Variants in POLR2E observed in about 807,000 individuals in gnomAD.
The protein encoded by POLR2E is DNA-directed RNA polymerases I, II, and III subunit RPABC1.
In POLR2E, 35 loss-of-function variants were observed where a neutral mutation model predicts 29.8. The observed-to-expected ratio is 1.17, with a 90% CI of 0.90 to 1.55. POLR2E has a LOEUF of 1.55. Among genes scored for constraint, POLR2E ranks in the 40% most tolerant of loss-of-function variants. POLR2E has a pLI of 0.00. For missense variants in POLR2E, 287 were observed against 288.6 expected (o/e 0.99, Z 0.04); for synonymous variants, 174 against 112.6 (o/e 1.55, Z -3.45).
At chr19:1,090,028 G>A in intron 5 of POLR2E, 59 bp downstream of exon 5, 1 of 1,311,114 alleles carries the variant, frequency 7.6e-7, no homozygotes. Context: ...GTGTGGGGGG[G>A]GAACGCGGAA....
chr19:1,091,664 C>A, intron 3 of POLR2E, 128 bp downstream of exon 3: 1 of 665,962 alleles, frequency 1.5e-6, no homozygotes, highest in South Asian at 1.7e-5. Context: ...GACATCCCGG[C>A]CACATCCTCC....
chr19:1,091,885 C>A lies in POLR2E; in HGVS notation c.255G>T (p.Lys85Asn). The change falls in exon 3 of 8, where the codon AAG becomes AAT. Residue 85 changes from lysine to asparagine, a missense_variant. Physicochemically the swap from Lys to Asn is moderately conservative, Grantham distance 94. Transcript: ENST00000615234. ...FFPEEPKVGIKTIKVYCQRMQ... is the reference protein window; with the variant it reads ...FFPEEPKVGINTIKVYCQRMQ... ...TGCGCTGGCAGTACACCTTGATGGT[C>A]TTGATGCCCACCTTGGGCTCCTCTG... The A allele has an allele frequency of 6.2e-7, 1 of 1,612,474 alleles. No individual in the cohort carries two copies. Among genetic ancestry groups the A allele is most frequent in the Non-Finnish European group, 8.5e-7 (1 of 1,179,238 alleles).
At chr19:1,090,409 C>T (rs2043804260) in intron 4 of POLR2E, among the ~76,000 whole-genome samples, 1 of 151,690 alleles carries the variant, frequency 6.6e-6, no homozygotes, top group Non-Finnish European at 1.5e-5. Context: ...AGGGTCCCTC[C>T]ACACTCCCAG....
At chr19:1,091,503 C>G (rs974880207) in intron 3 of POLR2E, 3 of 469,364 alleles carry the variant, frequency 6.4e-6, no homozygotes, top group African/African-American at 6.0e-5. Flanking sequence ...CTCCTGGAAT[C>G]TGCACCAGGC....
intron 2 of POLR2E, 26 bp downstream of exon 2, chr19:1,093,878 G>C (rs748336341): frequency 7.8e-6 from 12 of 1,545,742 alleles, no homozygotes; most frequent in African/African-American, 4.1e-5. Flanking sequence ...GGCTTCACCG[G>C]AACTCCCCCG....
chr19:1,092,449 C>T (rs2043855338), intron 2 of POLR2E: 1 of 152,474 alleles, frequency 6.6e-6, no homozygotes, highest in Admixed American at 6.5e-5. Flanking sequence ...CACCTGTAAT[C>T]CCAGCACTTT....
chr19:1,087,945 C>T lies in POLR2E; in HGVS notation c.*790G>A, dbSNP rs1216671508. The stretch of plus-strand genomic sequence containing the variant: ...TGTAAGAGGAACTGGCCGCAAACCA[C>T]AGCTGCACAAGCCAGAGAACAACTC... On this transcript the variant is annotated 3_prime_UTR_variant, in exon 8 of 8. Transcript: ENST00000615234. 6.6e-6 allele frequency: 1 copy of T among 151,352 alleles called. No individual in the cohort carries two copies. Among genetic ancestry groups the T allele is most frequent in the African/African-American group, 2.5e-5 (1 of 40,520 alleles). The allele number at this position is 151,352 out of a possible 1,614,324, so 9.4% of individuals were successfully genotyped here.
chr19:1,093,654 C>T, intron 2 of POLR2E: 1 of 1,052,816 alleles, frequency 9.5e-7, no homozygotes, highest in Non-Finnish European at 1.3e-6. Flanking sequence ...GTGGGGAGGC[C>T]CTTGTGACTC....
At chr19:1,092,271 C>T (rs987019060) in intron 2 of POLR2E, 26 of 206,552 alleles carry the variant, frequency 1.3e-4, no homozygotes, top group Admixed American at 8.4e-4. Context: ...AGGACGCTCT[C>T]TTTAAGAAGC....
intron 7 of POLR2E, 36 bp downstream of exon 7, chr19:1,089,423 CACCCCTGCCTCTG>C: frequency 7.9e-7 from 1 of 1,263,680 alleles, no homozygotes; most frequent in Non-Finnish European, 1.2e-6. Flanking sequence ...GAGGGGACGA[CACCCCTGCCTCTG>C]ACCCCACCTC....
intron 3 of POLR2E, 55 bp from the exon 4 acceptor site, chr19:1,091,043 C>T (rs2145138307): frequency 6.8e-7 from 1 of 1,481,024 alleles, no homozygotes. Context: ...AACCCCAACC[C>T]CATTTCCTGC....
chr19:1,093,748 T>A (rs975845976), intron 2 of POLR2E, 156 bp downstream of exon 2: 10 of 1,410,788 alleles, frequency 7.1e-6, no homozygotes, highest in African/African-American at 1.5e-5. Context: ...ATCAACGGCA[T>A]CACCCACAGC....
rs2043726499 is a variant in POLR2E, at chr19:1,087,547, A to C, written c.*1188T>G. The C allele has an allele frequency of 1.4e-5, 2 of 145,236 alleles. No homozygotes were observed. Among genetic ancestry groups the C allele is most frequent in the African/African-American group, 2.5e-5 (1 of 39,366 alleles). 9.0% of individuals were successfully genotyped at this position (145,236 alleles called of 1,614,324 possible). ...CCCAGCCCTGGGAACCCCCATCCCC[A>C]CCCAACTCCCCAGTCCCGGGAACCC... On this transcript the variant is annotated 3_prime_UTR_variant, in exon 8 of 8. Coordinates refer to ENST00000615234, the MANE Select transcript of POLR2E (RefSeq NM_002695.5).
At chr19:1,090,703 C>T (rs533833272) in intron 4 of POLR2E, among the ~76,000 whole-genome samples, 1 of 152,066 alleles carries the variant, frequency 6.6e-6, no homozygotes, top group African/African-American at 2.4e-5. Flanking sequence ...CATGTGTGAG[C>T]CACCGCGCCC....
chr19:1,091,595 G>C (rs1043367044), intron 3 of POLR2E, 197 bp downstream of exon 3: 8 of 583,418 alleles, frequency 1.4e-5, no homozygotes, highest in Non-Finnish European at 2.5e-5. Context: ...GGGGAGGACG[G>C]CGGCTGCCTG....
chr19:1,092,157 G>A (rs377654825), intron 2 of POLR2E, among the ~76,000 whole-genome samples: 1 of 152,200 alleles, frequency 6.6e-6, no homozygotes, highest in African/African-American at 2.4e-5. Context: ...CCAGAGACCA[G>A]GGAGAAGCAG....
chr19:1,091,775 G>A lies in POLR2E; in HGVS notation c.348+17C>T, dbSNP rs748502713. 2 of 1,518,394 alleles carry A rather than the reference G, an allele frequency of 1.3e-6. No individual in the cohort carries two copies. The allele number at this position is 1,518,394 out of a possible 1,614,324, so 94.1% of individuals were successfully genotyped here. ...GGGGAGGGGGAGAGGCTGGCGGGGT[G>A]GGGCAGGGGTGCCCACCTGCTTGGC... On this transcript the variant is annotated intron_variant, in intron 3 of 7. Coordinates refer to ENST00000615234, the MANE Select transcript of POLR2E (RefSeq NM_002695.5).
At position 1,087,001 on chromosome 19, in the gene POLR2E, T is replaced by C. The variant is rs1335376049; in HGVS notation, c.*1734A>G. The C allele has an allele frequency of 6.6e-6, 1 of 151,938 alleles. No individual in the cohort carries two copies. The highest frequency in any genetic ancestry group is 2.4e-5 in the African/African-American group (1 of 41,372). The allele number at this position is 151,938 out of a possible 1,614,324, so 9.4% of individuals were successfully genotyped here. A position where few individuals can be genotyped will look rare whatever the true frequency, so the allele number is the denominator to read the frequency against. ...TGCGCCTGTGGAACTGCATTTTTTT[T>C]TTTTTTTGAGACAGGGTGTGACCCT... On this transcript the variant is annotated 3_prime_UTR_variant, in exon 8 of 8. Coordinates refer to ENST00000615234, the MANE Select transcript of POLR2E (RefSeq NM_002695.5).
rs1017622535 is a variant in POLR2E at position 1,094,047 on chromosome 19, T to C, written c.89A>G (p.Gln30Arg). ...CTCCAGGGTCTGGTCAAGCTCGTCC[T>C]GGGTCACCAGATAGCCACGGTCGTG... is the stretch of plus-strand genomic sequence containing the variant. ...LCHDRGYLVTQDELDQTLEEF... is the reference protein window; with the variant it reads ...LCHDRGYLVTRDELDQTLEEF... The change falls in exon 2 of 8, where the codon CAG (glutamine) becomes CGG (arginine). Residue 30 changes from glutamine to arginine, a missense_variant. Gln to Arg is a conservative substitution (Grantham distance 43, BLOSUM62 1). Transcript: ENST00000615234. 6.2e-7 allele frequency: 1 copy of C among 1,612,980 alleles called. No individual in the cohort carries two copies. Among genetic ancestry groups the C allele is most frequent in the African/African-American group, 1.3e-5 (1 of 74,830 alleles).
Sources: gnomAD v4.1 joint callset for allele counts (sites outside exome capture counted in the v4.1 genomes callset) on GRCh38, gnomAD v4.1.1 for gene constraint, MANE v1.5 for transcripts, NCBI Gene and HGNC (gene_info 2026-07-23, HGNC 2026-07-21) for gene names.